Variants in C10orf67 observed in about 807,000 individuals in gnomAD.
The protein encoded by C10orf67 is chromosome 10 open reading frame 67.
In C10orf67, 60 loss-of-function variants were observed where a neutral mutation model predicts 35.6. The observed-to-expected ratio is 1.68, with a 90% confidence interval of 1.37 to 2.09. C10orf67 has a LOEUF of 2.09. Ranked by LOEUF, C10orf67 falls within the 30% of genes most tolerant of loss-of-function variation. C10orf67 has a pLI of 0.00. For synonymous variants in C10orf67, 167 were observed against 115.8 expected (o/e 1.44, Z -2.84); for missense variants, 474 against 330.2 (o/e 1.44, Z -3.38).
chr10:23,313,777 T>C (rs1307582785), intron 4 of C10orf67, among the ~76,000 whole-genome samples: 4 of 151,990 alleles, frequency 2.6e-5, no homozygotes, highest in South Asian at 2.1e-4. Context: ...AGTGAAGACA[T>C]AAAAGGACCT....
intron 13 of C10orf67, among the ~76,000 whole-genome samples, chr10:23,227,935 AAG>A (rs1182589833): frequency 1.3e-5 from 2 of 152,166 alleles, no homozygotes; most frequent in African/African-American, 2.4e-5. Context: ...ATCGAAATCA[AAG>A]AGGACACAAA....
intron 5 of C10orf67, among the ~76,000 whole-genome samples, chr10:23,301,974 ATCCAGAG>A (rs1488331911): frequency 1.5e-4 from 23 of 152,220 alleles, no homozygotes; most frequent in African/African-American, 5.3e-4. Flanking sequence ...ATCCTGCTGG[ATCCAGAG>A]GGATGGAAGT....
chr10:23,224,918 G>A (rs948302962), intron 13 of C10orf67, among the ~76,000 whole-genome samples: 27 of 152,282 alleles, frequency 1.8e-4, no homozygotes, highest in Non-Finnish European at 3.4e-4. Context: ...GTGATGGGGA[G>A]AATGGAAACA....
chr10:23,210,608 C>T (rs769959329), intron 15 of C10orf67, among the ~76,000 whole-genome samples: 5 of 151,990 alleles, frequency 3.3e-5, no homozygotes, highest in Admixed American at 6.6e-5. Flanking sequence ...TTAGTAGAGA[C>T]GGGGTTTCAC....
At chr10:23,322,338 C>A in intron 3 of C10orf67, 56 bp downstream of exon 3, 1 of 1,538,806 alleles carries the variant, frequency 6.5e-7, no homozygotes, top group Non-Finnish European at 8.9e-7. Flanking sequence ...GCACTGCATA[C>A]ACATCTAAGC....
At chr10:23,280,162 A>G (rs938953988) in intron 8 of C10orf67, among the ~76,000 whole-genome samples, 1 of 152,218 alleles carries the variant, frequency 6.6e-6, no homozygotes, top group Non-Finnish European at 1.5e-5. Flanking sequence ...GCCAGTTTAC[A>G]TATACTTACT....
chr10:23,214,061 C>G (rs984313070), intron 15 of C10orf67, among the ~76,000 whole-genome samples: 1 of 151,322 alleles, frequency 6.6e-6, no homozygotes, highest in African/African-American at 2.4e-5. Flanking sequence ...ATATAAGATA[C>G]AATAGAATTT....
chr10:23,215,917 A>T lies in C10orf67; in HGVS notation c.1570+7681T>A, dbSNP rs990355730. Among the ~76,000 whole-genome samples the T allele has an allele frequency of 1.1e-4, 16 of 152,310 alleles. No homozygotes were observed. In the East Asian group the frequency reaches 3.1e-3, roughly 29 times the overall value. On this transcript the variant is annotated intron_variant, in intron 15 of 15. Transcript: ENST00000636213. ...GCTTAGCCATCAATTTGTTATAAAA[A>T]CTTTCAGCGCCTGCTATAGAAGAGA...
intron 15 of C10orf67, among the ~76,000 whole-genome samples, chr10:23,208,006 G>T (rs1428461804): frequency 6.6e-6 from 1 of 152,122 alleles, no homozygotes; most frequent in African/African-American, 2.4e-5. Context: ...TGAAAGACCG[G>T]GCTGCCAATG....
intron 12 of C10orf67, among the ~76,000 whole-genome samples, chr10:23,248,334 C>T (rs1299034413): frequency 2.0e-5 from 3 of 152,108 alleles, no homozygotes; most frequent in South Asian, 2.1e-4. Context: ...ACTGTTTGTG[C>T]GACAATGATG....
At chr10:23,237,551 T>C (rs1391818053) in intron 13 of C10orf67, among the ~76,000 whole-genome samples, 1 of 152,194 alleles carries the variant, frequency 6.6e-6, no homozygotes, top group Non-Finnish European at 1.5e-5. Flanking sequence ...AAACAAATTA[T>C]GGTTTATTCA....
chr10:23,236,648 T>A (rs1054682688), intron 13 of C10orf67, among the ~76,000 whole-genome samples: 4 of 151,990 alleles, frequency 2.6e-5, no homozygotes. Context: ...GAGCCCAAGG[T>A]GGGTGGATCA....
At chr10:23,228,130 A>G (rs1015456000) in intron 13 of C10orf67, among the ~76,000 whole-genome samples, 46 of 152,360 alleles carry the variant, frequency 3.0e-4, no homozygotes, top group Non-Finnish European at 5.6e-4. Context: ...CCTCATTGCC[A>G]AGACAATCCT....
At chr10:23,318,712 T>G (rs1227887071) in intron 4 of C10orf67, 1 of 588,014 alleles carries the variant, frequency 1.7e-6, no homozygotes, top group Non-Finnish European at 3.0e-6. Context: ...TCCTGGGATG[T>G]TTTCAGCTGC....
intron 7 of C10orf67, among the ~76,000 whole-genome samples, chr10:23,285,860 C>G (rs1554811050): frequency 6.6e-6 from 1 of 152,182 alleles, no homozygotes; most frequent in Non-Finnish European, 1.5e-5. Context: ...ATTTCAAGTG[C>G]TCAATAGCCA....
intron 2 of C10orf67, among the ~76,000 whole-genome samples, chr10:23,330,823 T>C (rs1845416934): frequency 6.6e-6 from 1 of 151,824 alleles, no homozygotes; most frequent in Non-Finnish European, 1.5e-5. Flanking sequence ...TGGCAATCAA[T>C]GGGTGAAATG....
At chr10:23,234,825 C>G (rs1306264780) in intron 13 of C10orf67, among the ~76,000 whole-genome samples, 1 of 151,422 alleles carries the variant, frequency 6.6e-6, no homozygotes, top group Non-Finnish European at 1.5e-5. Flanking sequence ...CCACTCTGGT[C>G]AACATGGTGA....
intron 1 of C10orf67, among the ~76,000 whole-genome samples, chr10:23,334,914 C>T (rs1487495435): frequency 2.0e-5 from 3 of 152,094 alleles, no homozygotes; most frequent in African/African-American, 7.2e-5. Context: ...ATAGGTTGGG[C>T]GCAGTGGCTC....
At chr10:23,236,019 C>A (rs576070905) in intron 13 of C10orf67, among the ~76,000 whole-genome samples, 2 of 151,570 alleles carry the variant, frequency 1.3e-5, no homozygotes, top group Admixed American at 6.6e-5. Flanking sequence ...GAGGCCGAGG[C>A]GGGCGGATCA....
Sources: gnomAD v4.1 joint callset for allele counts (sites outside exome capture counted in the v4.1 genomes callset) on GRCh38, gnomAD v4.1.1 for gene constraint, MANE v1.5 for transcripts, NCBI Gene and HGNC (gene_info 2026-07-23, HGNC 2026-07-21) for gene names.